Variants in SGCD observed in about 807,000 individuals in gnomAD.
SGCD encodes sarcoglycan delta.
In SGCD, 18 loss-of-function variants were observed where a neutral mutation model predicts 36.6. That is an observed-to-expected ratio of 0.49 (90% CI 0.34 to 0.73). The LOEUF (loss-of-function observed/expected upper bound fraction) is 0.73, where lower values mean the gene tolerates loss of function less well. Among genes scored for constraint, SGCD ranks in the 30% least tolerant of loss-of-function variants. The pLI is 0.01. For missense variants in SGCD, 387 were observed against 346.7 expected, an observed-to-expected ratio of 1.12 and a Z score of -0.92; for synonymous variants, 133 against 130.6, an observed-to-expected ratio of 1.02 and a Z score of -0.12.
intron 3 of SGCD, among the ~76,000 whole-genome samples, chr5:156,271,884 G>T (rs1766191502): frequency 6.6e-6 from 1 of 152,142 alleles, no homozygotes. Flanking sequence ...AAATAAACTT[G>T]ACTTCTGGCA....
intron 1 of SGCD, among the ~76,000 whole-genome samples, chr5:155,998,934 T>G (rs1158220329): frequency 2.6e-5 from 4 of 152,234 alleles, no homozygotes; most frequent in Non-Finnish European, 5.9e-5. Context: ...ATGTCTTATT[T>G]GCAGTATGGG....
chr5:156,567,977 A>G (rs955568660), intron 4 of SGCD, among the ~76,000 whole-genome samples: 4 of 152,148 alleles, frequency 2.6e-5, no homozygotes, highest in African/African-American at 4.8e-5. Context: ...TCATCCTCAT[A>G]TTACCCTGTA....
At chr5:156,608,345 T>C (rs1047676964) in intron 6 of SGCD, among the ~76,000 whole-genome samples, 1 of 152,212 alleles carries the variant, frequency 6.6e-6, no homozygotes, top group Non-Finnish European at 1.5e-5. Context: ...TCCATGTAGT[T>C]GAGCGGTTTT....
the SGCD span, among the ~76,000 whole-genome samples, chr5:155,859,028 T>C: frequency 6.6e-6 from 1 of 151,912 alleles, no homozygotes; most frequent in African/African-American, 2.4e-5. Flanking sequence ...TTTCTACTGT[T>C]ATAATTTTTA....
chr5:156,396,879 G>A (rs1022744355), intron 3 of SGCD, among the ~76,000 whole-genome samples: 2 of 152,182 alleles, frequency 1.3e-5, no homozygotes, highest in African/African-American at 2.4e-5. Flanking sequence ...CATACCTACA[G>A]GTAGTAAGAG....
chr5:155,799,186 T>G, the SGCD span, among the ~76,000 whole-genome samples: 1 of 152,188 alleles, frequency 6.6e-6, no homozygotes, highest in Non-Finnish European at 1.5e-5. Context: ...ATATGCATTT[T>G]TATACAAAGA....
intron 3 of SGCD, among the ~76,000 whole-genome samples, chr5:156,290,460 A>G (rs922820914): frequency 6.6e-6 from 1 of 152,148 alleles, no homozygotes; most frequent in Non-Finnish European, 1.5e-5. Flanking sequence ...ACACTTACCC[A>G]GCTGTGTAGA....
At chr5:155,854,750 A>C in the SGCD span, among the ~76,000 whole-genome samples, 1 of 152,190 alleles carries the variant, frequency 6.6e-6, no homozygotes, top group South Asian at 2.1e-4. Flanking sequence ...ATGTCATACA[A>C]ATCTCACCGT....
intron 3 of SGCD, among the ~76,000 whole-genome samples, chr5:156,485,421 T>C (rs182829755): frequency 7.9e-4 from 120 of 152,256 alleles, no homozygotes; most frequent in African/African-American, 2.7e-3. Flanking sequence ...CTAGCACTTT[T>C]GGAGGCCAAG....
intron 1 of SGCD, 139 bp from the exon 2 acceptor site, chr5:156,329,395 G>A: frequency 1.6e-6 from 1 of 640,486 alleles, no homozygotes; most frequent in East Asian, 2.6e-5. Flanking sequence ...GAGACTGCAT[G>A]GTCAGCCTGC....
At chr5:156,279,484 A>G (rs2127672721) in intron 3 of SGCD, among the ~76,000 whole-genome samples, 1 of 152,290 alleles carries the variant, frequency 6.6e-6, no homozygotes, top group South Asian at 2.1e-4. Flanking sequence ...CATGAGAAAT[A>G]CTCAGAACAA....
intron 1 of SGCD, among the ~76,000 whole-genome samples, chr5:155,887,583 A>G (rs1756034834): frequency 6.6e-6 from 1 of 152,176 alleles, no homozygotes; most frequent in South Asian, 2.1e-4. Context: ...TCTATGCTTC[A>G]GTTTTGCCTC....
chr5:156,121,013 C>T (rs894102263), intron 2 of SGCD, among the ~76,000 whole-genome samples: 2 of 152,094 alleles, frequency 1.3e-5, no homozygotes, highest in African/African-American at 4.8e-5. Flanking sequence ...ATGACTTTCT[C>T]ATGTTACAAT....
chr5:156,072,825 T>A (rs369195150), intron 1 of SGCD, among the ~76,000 whole-genome samples: 1 of 152,110 alleles, frequency 6.6e-6, no homozygotes, highest in Non-Finnish European at 1.5e-5. Flanking sequence ...CGGCTTTGTT[T>A]GTTTCTTTTT....
At chr5:155,841,240 A>C in the SGCD span, among the ~76,000 whole-genome samples, 1 of 152,190 alleles carries the variant, frequency 6.6e-6, no homozygotes, top group East Asian at 1.9e-4. Context: ...CTTCAGAATG[A>C]AGACCCAAAG....
intron 3 of SGCD, among the ~76,000 whole-genome samples, chr5:156,434,526 A>G (rs1473552861): frequency 6.6e-6 from 1 of 152,234 alleles, no homozygotes; most frequent in African/African-American, 2.4e-5. Flanking sequence ...TTGGTTTCAA[A>G]TAAAGGTATT....
At chr5:156,625,589 T>C (rs755947566) in intron 6 of SGCD, among the ~76,000 whole-genome samples, 2 of 152,170 alleles carry the variant, frequency 1.3e-5, no homozygotes, top group Admixed American at 1.3e-4. Flanking sequence ...AAAAGAATGA[T>C]GTAAAATCTG....
intron 6 of SGCD, among the ~76,000 whole-genome samples, chr5:156,616,216 G>A (rs182874354): frequency 2.6e-5 from 4 of 152,224 alleles, no homozygotes; most frequent in African/African-American, 7.2e-5. Flanking sequence ...TAAATACAAC[G>A]ATGGCCTGAG....
At position 156,278,711 on chromosome 5, in the gene SGCD, A is replaced by C. The variant is rs373405545; in HGVS notation, c.-43-50823A>C. Among the ~76,000 whole-genome samples, 351 of 152,258 alleles carry C rather than the reference A, an allele frequency of 2.3e-3. 3 individuals are homozygous for C. The highest frequency in any genetic ancestry group is 8.1e-3 in the African/African-American group (336 of 41,554). Reference sequence around the variant, plus strand: ...ATGCTTTTTTAAATTTACCTTTTTCATTGCAGTGTAACTGCAGGATGCGCT... The same window carrying C: ...ATGCTTTTTTAAATTTACCTTTTTCCTTGCAGTGTAACTGCAGGATGCGCT... On this transcript the variant is annotated intron_variant, in intron 3 of 9. Transcript: ENST00000517913.
Sources: allele counts gnomAD v4.1 joint callset (sites outside exome capture counted in the v4.1 genomes callset), GRCh38; gene constraint gnomAD v4.1.1; transcripts MANE v1.5; gene names NCBI Gene and HGNC (gene_info 2026-07-23, HGNC 2026-07-21).